The following MALRD1 variants were observed in gnomAD, a reference collection of about 807,000 sequenced individuals.
MALRD1 encodes the protein MAM and LDL-receptor class A domain-containing protein 1.
Under a neutral mutation model 242.1 loss-of-function variants are expected in MALRD1, and 247 were observed. The observed-to-expected ratio is 1.02, with a 90% CI of 0.92 to 1.13. The LOEUF is 1.13. Ranked by LOEUF, MALRD1 falls within the 50% of genes most tolerant of loss-of-function variation. The pLI is 0.00. For synonymous variants in MALRD1, 995 were observed against 866.6 expected, an observed-to-expected ratio of 1.15 and a Z score of -2.60; for missense variants, 2,989 against 2,533.1, an observed-to-expected ratio of 1.18 and a Z score of -3.86.
intron 29 of MALRD1, among the ~76,000 whole-genome samples, chr10:19,480,176 A>G (rs7081139): frequency 0.024 from 3,638 of 152,334 alleles, 167 homozygotes; most frequent in African/African-American, 0.083. Flanking sequence ...AGTCAGGAGT[A>G]GAGAATGATA....
chr10:19,063,526 G>A (rs1834883440), intron 1 of MALRD1, among the ~76,000 whole-genome samples: 1 of 151,966 alleles, frequency 6.6e-6, no homozygotes, highest in African/African-American at 2.4e-5. Flanking sequence ...TGTCACTTTG[G>A]CATATTATTT....
chr10:19,054,637 T>C (rs1229020710), intron 1 of MALRD1, among the ~76,000 whole-genome samples: 1 of 152,192 alleles, frequency 6.6e-6, no homozygotes, highest in Non-Finnish European at 1.5e-5. Context: ...AGTTTCCACA[T>C]GTAGTGAGAT....
rs548751180 is a variant in MALRD1, at chr10:19,430,463, G to T, written c.4846-19844G>T. Reference sequence around the variant, plus strand: ...GCTGGTATCCTGTTCACCTTCCGAGGCCCATTTCAAGTGCTACACACTTTA... The same window carrying T: ...GCTGGTATCCTGTTCACCTTCCGAGTCCCATTTCAAGTGCTACACACTTTA... On this transcript the variant is annotated intron_variant, in intron 28 of 39. Transcript: ENST00000454679. 1.7e-4 allele frequency among the ~76,000 whole-genome samples: 26 copies of T among 151,802 alleles called. No homozygotes were observed. The East Asian group carries it at 3.1e-3, about 18-fold the overall frequency.
chr10:19,096,442 C>T (rs1043008348), intron 4 of MALRD1, among the ~76,000 whole-genome samples: 1 of 152,076 alleles, frequency 6.6e-6, no homozygotes, highest in Non-Finnish European at 1.5e-5. Flanking sequence ...AGTGTGTTTA[C>T]CTTAAAGGCT....
chr10:19,243,392 T>C (rs1838887358), intron 18 of MALRD1, among the ~76,000 whole-genome samples: 1 of 152,150 alleles, frequency 6.6e-6, no homozygotes, highest in African/African-American at 2.4e-5. Flanking sequence ...TGTTTCATAA[T>C]GTTTTCATTA....
chr10:19,258,440 A>G (rs777076441), intron 19 of MALRD1, among the ~76,000 whole-genome samples: 3 of 152,104 alleles, frequency 2.0e-5, no homozygotes, highest in Non-Finnish European at 4.4e-5. Context: ...GGAGTTTGGC[A>G]CTCAGACTGA....
At chr10:19,543,282 G>C (rs2131381706) in intron 32 of MALRD1, among the ~76,000 whole-genome samples, 1 of 145,838 alleles carries the variant, frequency 6.9e-6, no homozygotes, top group South Asian at 2.2e-4. Context: ...ATCTTTTTTT[G>C]AGACAGGGCC....
chr10:19,459,436 G>C (rs923615330), intron 29 of MALRD1, among the ~76,000 whole-genome samples: 1 of 152,078 alleles, frequency 6.6e-6, no homozygotes, highest in African/African-American at 2.4e-5. Flanking sequence ...CTTCAGAAGA[G>C]AGACTTCATT....
intron 14 of MALRD1, among the ~76,000 whole-genome samples, chr10:19,179,285 T>C (rs1193511349): frequency 6.6e-6 from 1 of 152,162 alleles, no homozygotes; most frequent in Non-Finnish European, 1.5e-5. Flanking sequence ...ATGAATAAGC[T>C]CTAGACATCT....
intron 29 of MALRD1, among the ~76,000 whole-genome samples, chr10:19,450,724 C>A (rs1342417146): frequency 6.6e-6 from 1 of 152,116 alleles, no homozygotes; most frequent in Non-Finnish European, 1.5e-5. Flanking sequence ...ATATAAACAA[C>A]AGAAATTTTT....
chr10:19,654,467 A>G (rs566354636), intron 36 of MALRD1, among the ~76,000 whole-genome samples: 2 of 152,294 alleles, frequency 1.3e-5, no homozygotes, highest in African/African-American at 4.8e-5. Context: ...GGGACAAATG[A>G]CCATTATCAA....
intron 28 of MALRD1, among the ~76,000 whole-genome samples, chr10:19,446,907 G>A (rs1835014914): frequency 6.6e-6 from 1 of 152,110 alleles, no homozygotes; most frequent in South Asian, 2.1e-4. Context: ...TTAGGAGTGA[G>A]CAGTTTTTCA....
At chr10:19,441,181 TG>T (rs1446524368) in intron 28 of MALRD1, among the ~76,000 whole-genome samples, 19 of 152,338 alleles carry the variant, frequency 1.2e-4, no homozygotes, top group Non-Finnish European at 2.1e-4. Context: ...GCCCACTTTT[TG>T]ATGGGGTTGT....
chr10:19,189,294 CAAAG>C (rs1444892165), intron 14 of MALRD1, among the ~76,000 whole-genome samples: 1 of 152,002 alleles, frequency 6.6e-6, no homozygotes, highest in Non-Finnish European at 1.5e-5. Flanking sequence ...CTACAACTAG[CAAAG>C]AGATTTGATG....
intron 36 of MALRD1, among the ~76,000 whole-genome samples, chr10:19,691,424 CT>C (rs1842814756): frequency 1.3e-5 from 2 of 152,012 alleles, no homozygotes; most frequent in African/African-American, 4.8e-5. Context: ...AGCATTGCTT[CT>C]AACACTCAGT....
At chr10:19,431,841 G>A (rs867971702) in intron 28 of MALRD1, among the ~76,000 whole-genome samples, 2 of 152,100 alleles carry the variant, frequency 1.3e-5, no homozygotes, top group Admixed American at 1.3e-4. Flanking sequence ...CTTCATGAAC[G>A]ACAATGTGCC....
In MALRD1 at chr10:19,450,441, G is replaced by A. The variant is rs1835260333; in HGVS notation, c.4980G>A (p.Leu1660=). The A allele has an allele frequency of 6.5e-7, 1 of 1,550,378 alleles. No individual in the cohort carries two copies. Residue 1660 remains leucine (L), a synonymous_variant, in exon 29 of 40, where the codon CTG becomes CTA. Transcript: ENST00000454679. ...VIFQGIRTRD[L]GGGAAIDDIE... is the part of the protein sequence containing the mutation. ...TTCAAGGTATCAGAACAAGGGACCT[G>A]GGAGGAGGAGCTGCAATTGATGATA...
At chr10:19,431,007 AT>A in intron 28 of MALRD1, among the ~76,000 whole-genome samples, 1 of 152,252 alleles carries the variant, frequency 6.6e-6, no homozygotes, top group Non-Finnish European at 1.5e-5. Context: ...TTTAATTTTA[AT>A]TTTTATTTCA....
At chr10:19,053,027 C>T (rs1212842578) in intron 1 of MALRD1, among the ~76,000 whole-genome samples, 1 of 152,130 alleles carries the variant, frequency 6.6e-6, no homozygotes, top group Admixed American at 6.5e-5. Context: ...GTTCTGGGAC[C>T]GTACTTACTC....
Sources: gnomAD v4.1 joint callset for allele counts (sites outside exome capture counted in the v4.1 genomes callset) on GRCh38, gnomAD v4.1.1 for gene constraint, MANE v1.5 for transcripts, NCBI Gene and HGNC (gene_info 2026-07-23, HGNC 2026-07-21) for gene names.